CSMD1: variants seen among roughly 807,000 people sequenced by gnomAD.
CSMD1 encodes CUB and sushi domain-containing protein 1.
CSMD1 carries 213 observed loss-of-function variants against 417.5 expected under a neutral mutation model. The ratio of observed to expected loss-of-function variants is 0.51; its 90% CI spans 0.46 to 0.57. The LOEUF is 0.57. Ranked by LOEUF, CSMD1 falls within the 20% of genes least tolerant of loss-of-function variation. The pLI is 0.00. For missense variants in CSMD1, 6,923 were observed against 4,529.7 expected (o/e 1.53, Z -15.17); for synonymous variants, 2,862 against 1,736.8 (o/e 1.65, Z -16.11).
At chr8:4,405,824 T>C (rs1241319745) in intron 3 of CSMD1, among the ~76,000 whole-genome samples, 1 of 152,174 alleles carries the variant, frequency 6.6e-6, no homozygotes, top group Non-Finnish European at 1.5e-5. Flanking sequence ...GAGCAGTGCG[T>C]GCCTCCAAGA....
chr8:3,644,469 G>A (rs940844950), intron 7 of CSMD1, among the ~76,000 whole-genome samples: 1 of 152,190 alleles, frequency 6.6e-6, no homozygotes, highest in Non-Finnish European at 1.5e-5. Flanking sequence ...AACTCTATGT[G>A]CTCCTTGGAC....
intron 23 of CSMD1, among the ~76,000 whole-genome samples, chr8:3,338,306 C>A (rs1191367695): frequency 6.6e-6 from 1 of 152,202 alleles, no homozygotes; most frequent in Non-Finnish European, 1.5e-5. Context: ...CGTTTCTTGA[C>A]AAGTTGAGTC....
At chr8:4,370,491 T>C (rs1349002623) in intron 3 of CSMD1, among the ~76,000 whole-genome samples, 1 of 152,228 alleles carries the variant, frequency 6.6e-6, no homozygotes, top group Non-Finnish European at 1.5e-5. Flanking sequence ...ACTGTCCTAA[T>C]GGGACTGGAA....
chr8:4,362,116 C>G (rs1268324284), intron 3 of CSMD1, among the ~76,000 whole-genome samples: 1 of 152,066 alleles, frequency 6.6e-6, no homozygotes, highest in Non-Finnish European at 1.5e-5. Context: ...ATTACAAATC[C>G]AAGTACTTTA....
chr8:3,739,255 A>C (rs1324229292), intron 6 of CSMD1, among the ~76,000 whole-genome samples: 1 of 152,208 alleles, frequency 6.6e-6, no homozygotes, highest in Non-Finnish European at 1.5e-5. Flanking sequence ...TCATCCTTTG[A>C]AACTTCTGAC....
intron 2 of CSMD1, among the ~76,000 whole-genome samples, chr8:4,495,250 T>G (rs752032628): frequency 6.6e-6 from 1 of 152,188 alleles, no homozygotes; most frequent in African/African-American, 2.4e-5. Flanking sequence ...CTGAAAACTA[T>G]AAATTGCTGT....
At chr8:4,036,856 G>C (rs1472133753) in intron 3 of CSMD1, among the ~76,000 whole-genome samples, 1 of 152,186 alleles carries the variant, frequency 6.6e-6, no homozygotes, top group Non-Finnish European at 1.5e-5. Flanking sequence ...TACCATCTCT[G>C]CATGAGGTAT....
chr8:3,991,200 G>C (rs945458571), intron 5 of CSMD1, among the ~76,000 whole-genome samples: 1 of 152,174 alleles, frequency 6.6e-6, no homozygotes, highest in African/African-American at 2.4e-5. Flanking sequence ...AAAATATCCA[G>C]GATAAGGCAT....
chr8:4,415,234 G>C (rs777385209), intron 3 of CSMD1, among the ~76,000 whole-genome samples: 1 of 152,148 alleles, frequency 6.6e-6, no homozygotes, highest in East Asian at 1.9e-4. Flanking sequence ...ACTGAACTCA[G>C]CCTCCATCAA....
chr8:3,434,157 T>A (rs144590693), intron 12 of CSMD1, among the ~76,000 whole-genome samples: 3 of 152,230 alleles, frequency 2.0e-5, no homozygotes, highest in African/African-American at 7.2e-5. Context: ...AGTAAATGTT[T>A]AGATAAGGCC....
chr8:3,278,719 C>T (rs998257357), intron 26 of CSMD1: 1 of 152,050 alleles, frequency 6.6e-6, no homozygotes. Flanking sequence ...CCCACCCATC[C>T]TCCCACCTAC....
chr8:3,468,419 G>A (rs1379994832), intron 12 of CSMD1, among the ~76,000 whole-genome samples: 2 of 152,070 alleles, frequency 1.3e-5, no homozygotes, highest in Non-Finnish European at 2.9e-5. Context: ...ATATGATATG[G>A]TCAAAAGATC....
At chr8:4,885,829 T>C (rs1803701412) in intron 1 of CSMD1, among the ~76,000 whole-genome samples, 2 of 152,088 alleles carry the variant, frequency 1.3e-5, no homozygotes, top group African/African-American at 2.4e-5. Flanking sequence ...ATATATGTAT[T>C]ATTTGTTGCT....
intron 3 of CSMD1, among the ~76,000 whole-genome samples, chr8:4,400,387 C>T (rs1177773072): frequency 6.6e-6 from 1 of 152,206 alleles, no homozygotes; most frequent in African/African-American, 2.4e-5. Context: ...ATATATCCAT[C>T]CTGTGTTTGC....
intron 3 of CSMD1, among the ~76,000 whole-genome samples, chr8:4,351,492 G>T (rs1284600672): frequency 6.6e-6 from 1 of 152,200 alleles, no homozygotes; most frequent in South Asian, 2.1e-4. Context: ...CAAATTTATA[G>T]ATTAGGAAGA....
chr8:4,618,369 T>C (rs760121298), intron 2 of CSMD1, among the ~76,000 whole-genome samples: 3 of 152,026 alleles, frequency 2.0e-5, no homozygotes, highest in East Asian at 3.9e-4. Flanking sequence ...ATGTCTGCAA[T>C]GGAACAGTTT....
intron 5 of CSMD1, among the ~76,000 whole-genome samples, chr8:3,945,409 TG>T (rs969034733): frequency 3.3e-5 from 5 of 152,000 alleles, no homozygotes; most frequent in South Asian, 2.1e-4. Context: ...TTAACTTTTT[TG>T]GGGGGGCATA....
intron 4 of CSMD1, among the ~76,000 whole-genome samples, chr8:4,006,654 G>T (rs549644265): frequency 1.3e-5 from 2 of 152,144 alleles, no homozygotes; most frequent in Non-Finnish European, 2.9e-5. Context: ...AACAGCACTT[G>T]TTTATGTCCT....
intron 3 of CSMD1, among the ~76,000 whole-genome samples, chr8:4,355,228 C>G (rs1248253501): frequency 2.6e-5 from 4 of 151,888 alleles, no homozygotes; most frequent in Admixed American, 2.0e-4. Flanking sequence ...CGCCACTGCA[C>G]TCCAGCCTGG....
Sources: allele counts gnomAD v4.1 joint callset (sites outside exome capture counted in the v4.1 genomes callset), GRCh38; gene constraint gnomAD v4.1.1; transcripts MANE v1.5; gene names NCBI Gene and HGNC (gene_info 2026-07-23, HGNC 2026-07-21).